PCDHA8: variants seen among roughly 807,000 people sequenced by gnomAD.
PCDHA8 encodes the protein protocadherin alpha 8.
PCDHA8 carries 53 observed loss-of-function variants against 61.8 expected under a neutral mutation model. The ratio of observed to expected loss-of-function variants is 0.86; its 90% CI spans 0.69 to 1.08. The LOEUF (loss-of-function observed/expected upper bound fraction) is 1.08, where lower values mean the gene tolerates loss of function less well. Among genes scored for constraint, PCDHA8 ranks in the 50% least tolerant of loss-of-function variants. The pLI, the probability that PCDHA8 is intolerant of heterozygous loss-of-function variation, is 0.00. For synonymous variants in PCDHA8, 618 were observed against 556.6 expected (o/e 1.11, Z -1.55); for missense variants, 1,293 against 1,245.0 (o/e 1.04, Z -0.58).
At chr5:140,878,552 C>A (rs1035509057) in intron 1 of PCDHA8, among the ~76,000 whole-genome samples, 1 of 152,130 alleles carries the variant, frequency 6.6e-6, no homozygotes, top group Non-Finnish European at 1.5e-5. Flanking sequence ...TTCAGATGAT[C>A]CCAAACTTAT....
intron 2 of PCDHA8, among the ~76,000 whole-genome samples, chr5:140,979,895 T>G (rs1460432451): frequency 6.6e-6 from 1 of 152,222 alleles, no homozygotes; most frequent in Non-Finnish European, 1.5e-5. Context: ...TTCACCAAAC[T>G]TAGATCAGTT....
intron 1 of PCDHA8, chr5:140,877,387 G>A: frequency 6.2e-7 from 1 of 1,614,010 alleles, no homozygotes; most frequent in Non-Finnish European, 8.5e-7. Flanking sequence ...CATCCTGGAT[G>A]AGGCGGACGC....
chr5:140,996,135 C>T (rs2097713564), intron 3 of PCDHA8, among the ~76,000 whole-genome samples: 1 of 152,140 alleles, frequency 6.6e-6, no homozygotes, highest in Non-Finnish European at 1.5e-5. Flanking sequence ...AGAGGGTTCT[C>T]CCATTATCTT....
At position 140,846,759 on chromosome 5, in the gene PCDHA8, C is replaced by T. The variant is rs1032895477; in HGVS notation, c.2394+3044C>T. Among the ~76,000 whole-genome samples the T allele has an allele frequency of 1.0e-4, 15 of 149,272 alleles. 2 individuals carry two copies. Among genetic ancestry groups the T allele is most frequent in the Admixed American group, 2.0e-4 (3 of 14,888 alleles). On this transcript the variant is annotated intron_variant, in intron 1 of 3. Transcript: ENST00000531613. Reference sequence around the variant, plus strand: ...TAGGACCCTTACAGATCTCTAACAGCATATCATCATGTCAGGAATTATTAC... The same window carrying T: ...TAGGACCCTTACAGATCTCTAACAGTATATCATCATGTCAGGAATTATTAC...
intron 1 of PCDHA8, chr5:140,853,038 C>T (rs2150527746): frequency 3.8e-6 from 1 of 265,006 alleles, no homozygotes; most frequent in African/African-American, 2.3e-5. Flanking sequence ...GCCACCATGC[C>T]CGCCTAATTT....
rs553749529 is a variant in PCDHA8, at chr5:140,931,877, G to C, written c.2395-47072G>C. 3.3e-5 allele frequency among the ~76,000 whole-genome samples: 5 copies of C among 151,886 alleles called. No individual in the cohort carries two copies. The South Asian group carries it at 8.3e-4, about 25-fold the overall frequency. The stretch of plus-strand genomic sequence containing the variant: ...GGATTCTAGAAATAAAATATTTATT[G>C]CTTTCATTTTATTTCAAATCATTTG... On this transcript the variant is annotated intron_variant, in intron 1 of 3. Coordinates refer to ENST00000531613, the MANE Select transcript of PCDHA8 (RefSeq NM_018911.3).
chr5:140,960,053 G>A (rs2095524432), intron 1 of PCDHA8, among the ~76,000 whole-genome samples: 3 of 152,156 alleles, frequency 2.0e-5, no homozygotes, highest in Non-Finnish European at 4.4e-5. Flanking sequence ...TTAAAAACAT[G>A]TACAGAAGAT....
At chr5:140,977,865 G>C (rs2096778412) in intron 1 of PCDHA8, among the ~76,000 whole-genome samples, 4 of 152,172 alleles carry the variant, frequency 2.6e-5, no homozygotes, top group Non-Finnish European at 5.9e-5. Flanking sequence ...ACCAAATATG[G>C]TAAGTATAAT....
chr5:140,950,323 A>G (rs1400315467), intron 1 of PCDHA8, among the ~76,000 whole-genome samples: 1 of 152,046 alleles, frequency 6.6e-6, no homozygotes, highest in Non-Finnish European at 1.5e-5. Context: ...TAATGCATAT[A>G]TGCTGCAGTG....
At chr5:140,962,414 C>T (rs2095681226) in intron 1 of PCDHA8, among the ~76,000 whole-genome samples, 1 of 152,166 alleles carries the variant, frequency 6.6e-6, no homozygotes, top group African/African-American at 2.4e-5. Context: ...CCTGTCTCTC[C>T]CTTTTTATTG....
intron 3 of PCDHA8, among the ~76,000 whole-genome samples, chr5:141,005,360 A>G (rs1215157808): frequency 6.6e-6 from 1 of 152,184 alleles, no homozygotes; most frequent in Non-Finnish European, 1.5e-5. Flanking sequence ...TAGGAATGTC[A>G]TAGAATGCCT....
chr5:140,966,052 C>G (rs2095962967), intron 1 of PCDHA8, among the ~76,000 whole-genome samples: 1 of 152,158 alleles, frequency 6.6e-6, no homozygotes, highest in Admixed American at 6.5e-5. Context: ...GCCAGTAACC[C>G]CAGAGCGCCT....
At chr5:140,920,794 A>G (rs1433275588) in intron 1 of PCDHA8, among the ~76,000 whole-genome samples, 2 of 151,776 alleles carry the variant, frequency 1.3e-5, no homozygotes, top group Admixed American at 6.6e-5. Flanking sequence ...CAGGGAACCA[A>G]GATCACGCCA....
At chr5:140,857,216 C>T in intron 1 of PCDHA8, 1 of 1,598,490 alleles carries the variant, frequency 6.3e-7, no homozygotes, top group Non-Finnish European at 8.6e-7. Flanking sequence ...CTCTCTGACG[C>T]CTCACGTTCC....
chr5:140,850,244 G>GTCGGT, intron 1 of PCDHA8: 1 of 1,593,676 alleles, frequency 6.3e-7, no homozygotes, highest in South Asian at 1.1e-5. Context: ...TGGTGCTGCG[G>GTCGGT]TCGGTGGGCG....
At chr5:140,928,201 G>C in intron 1 of PCDHA8, 1 of 1,614,242 alleles carries the variant, frequency 6.2e-7, no homozygotes, top group Non-Finnish European at 8.5e-7. Context: ...GTCAGTTGCT[G>C]ATGTGAATGA....
chr5:140,995,606 C>G (rs532220927), intron 3 of PCDHA8, among the ~76,000 whole-genome samples: 30 of 152,102 alleles, frequency 2.0e-4, no homozygotes, highest in Non-Finnish European at 3.7e-4. Context: ...TTTTTCTTCT[C>G]CCAAACCAAA....
chr5:140,853,320 T>G lies in PCDHA8; in HGVS notation c.2394+9605T>G, dbSNP rs375907981. 1.5e-5 allele frequency: 15 copies of G among 984,926 alleles called. 1 individual carries two copies. The highest frequency in any genetic ancestry group is 5.3e-4 in the Middle Eastern group (1 of 1,886). The allele number at this position is 984,926 out of a possible 1,614,324, so 61.0% of individuals were successfully genotyped here. On this transcript the variant is annotated intron_variant, in intron 1 of 3. Coordinates refer to ENST00000531613, the MANE Select transcript of PCDHA8 (RefSeq NM_018911.3). ...GGGCTGTGAACACCTTAGTAATAAA[T>G]TTATCTTTTGAGGTCATTAGCAAAC...
Position 140,843,987 on chromosome 5 carries a change from G to T in PCDHA8, c.2394+272G>T, listed in dbSNP as rs1007978772. ...ATTTATTTTGGCCTGCCTTACAGCCGTCTTCTCTGAACAATACTCTAAGGA... is the reference window on the plus strand; with the variant it reads ...ATTTATTTTGGCCTGCCTTACAGCCTTCTTCTCTGAACAATACTCTAAGGA... On this transcript the variant is annotated intron_variant, in intron 1 of 3. Coordinates refer to ENST00000531613, the MANE Select transcript of PCDHA8 (RefSeq NM_018911.3). Among the ~76,000 whole-genome samples the T allele has an allele frequency of 1.5e-4, 23 of 149,540 alleles. 2 individuals are homozygous for T. The highest frequency in any genetic ancestry group is 5.6e-4 in the African/African-American group (23 of 40,920).
Sources: gnomAD v4.1 joint callset for allele counts (sites outside exome capture counted in the v4.1 genomes callset) on GRCh38, gnomAD v4.1.1 for gene constraint, MANE v1.5 for transcripts, NCBI Gene and HGNC (gene_info 2026-07-23, HGNC 2026-07-21) for gene names.